Variants in HCST observed in about 807,000 individuals in gnomAD.
HCST encodes the protein hematopoietic cell signal transducer.
In HCST, 12 loss-of-function variants were observed where a neutral mutation model predicts 10.8. That is an observed-to-expected ratio of 1.12 (90% CI 0.72 to 1.81). The LOEUF is 1.81. Ranked by LOEUF, HCST falls within the 40% of genes most tolerant of loss-of-function variation. The pLI is 0.00. For synonymous variants in HCST, 59 were observed against 51.6 expected, an observed-to-expected ratio of 1.14 and a Z score of -0.61; for missense variants, 102 against 117.9, an observed-to-expected ratio of 0.87 and a Z score of 0.62.
Position 35,902,580 on chromosome 19 carries a change from G to A in HCST, c.-14G>A. The A allele has an allele frequency of 6.2e-7, 1 of 1,613,870 alleles. No homozygotes were observed. Among genetic ancestry groups the A allele is most frequent in the South Asian group, 1.1e-5 (1 of 91,058 alleles). ...ACAGTCCTCTGCCAGACCCCTGCCA[G>A]ACCCCAGTCCACCATGATCCATCTG... On this transcript the variant is annotated 5_prime_UTR_variant, in exon 1 of 4. Coordinates refer to ENST00000246551, the MANE Select transcript of HCST (RefSeq NM_014266.4).
chr19:35,903,751 G>A, intron 2 of HCST, 21 bp from the exon 3 acceptor site: 9 of 1,614,020 alleles, frequency 5.6e-6, no homozygotes, highest in Non-Finnish European at 7.6e-6. Flanking sequence ...TTGTCTCCCT[G>A]TTCCGGCCCC....
Position 35,904,294 on chromosome 19 carries a change from G to A in HCST, c.*134G>A, listed in dbSNP as rs1599637518. 9.8e-7 allele frequency: 1 copy of A among 1,024,554 alleles called. No homozygotes were observed. Among genetic ancestry groups the A allele is most frequent in the East Asian group, 2.4e-5 (1 of 41,604 alleles). 63.5% of individuals were successfully genotyped at this position (1,024,554 alleles called of 1,614,324 possible). On this transcript the variant is annotated 3_prime_UTR_variant, in exon 4 of 4. Transcript: ENST00000246551. Reference sequence around the variant, plus strand: ...ACCTGTAGTCGTATTCTTTCTCAAAGAACCCCAGAGTTCCCAAAGCCTCCC... The same window carrying A: ...ACCTGTAGTCGTATTCTTTCTCAAAAAACCCCAGAGTTCCCAAAGCCTCCC...
At position 35,904,161 on chromosome 19, in the gene HCST, C is replaced by G. The variant is rs760954757; in HGVS notation, c.*1C>G. The G allele has an allele frequency of 2.5e-6, 4 of 1,614,076 alleles. No homozygotes were observed. In the South Asian group the frequency reaches 4.4e-5, roughly 18 times the overall value. On this transcript the variant is annotated 3_prime_UTR_variant, in exon 4 of 4. Transcript: ENST00000246551. ...CATCAACATGCCAGGCAGGGGCTGA[C>G]CCTCCTGCAGCTTGGACCTTTGACT...
At chr19:35,903,707 G>A in intron 2 of HCST, 65 bp from the exon 3 acceptor site, 2 of 1,612,546 alleles carry the variant, frequency 1.2e-6, no homozygotes, top group Admixed American at 3.3e-5. Flanking sequence ...CTCTGCCTGT[G>A]GCCAAAGCAC....
At position 35,903,910 on chromosome 19, in the gene HCST, GC is replaced by G; in HGVS notation, c.241+8del. 1 of 1,608,790 alleles carries G rather than the reference GC, an allele frequency of 6.2e-7. No individual in the cohort carries two copies. Among genetic ancestry groups the G allele is most frequent in the Non-Finnish European group, 8.5e-7 (1 of 1,178,336 alleles). On this transcript the variant is annotated splice_region_variant and intron_variant, in intron 3 of 3. Coordinates refer to ENST00000246551, the MANE Select transcript of HCST (RefSeq NM_014266.4). Reference sequence around the variant, plus strand: ...CGCCGCAGCCCCGCCCAAGGTGAGGGCGGAGATGGGCGGGGCCTGGAAGGTG... The same window carrying G: ...CGCCGCAGCCCCGCCCAAGGTGAGGGGGAGATGGGCGGGGCCTGGAAGGTG...
chr19:35,903,100 C>T (rs1000396552), intron 1 of HCST: 2 of 482,744 alleles, frequency 4.1e-6, no homozygotes, highest in Non-Finnish European at 7.6e-6. Flanking sequence ...AGGTGATCCT[C>T]CCAGCTCAGC....
chr19:35,903,851 CA>C lies in HCST; in HGVS notation c.190del (p.Ile64SerfsTer41). Reference sequence around the variant, plus strand: ...CTGCTGATGCGGTGGCATCGCTGCTCATCGTGGGGGCGGTGTTCCTGTGCGC... The same window carrying C: ...CTGCTGATGCGGTGGCATCGCTGCTCTCGTGGGGGCGGTGTTCCTGTGCGC... ...VAADAVASLL[I>X]VGAVFLCARP... On this transcript the variant is annotated frameshift_variant, in exon 3 of 4. Transcript: ENST00000246551. LOFTEE classifies it high-confidence loss of function. 6.2e-7 allele frequency: 1 copy of C among 1,613,536 alleles called. No homozygotes were observed. The highest frequency in any genetic ancestry group is 8.5e-7 in the Non-Finnish European group (1 of 1,179,956).
At chr19:35,904,035 C>T in intron 3 of HCST, 85 bp from the exon 4 acceptor site, 2 of 1,598,956 alleles carry the variant, frequency 1.3e-6, no homozygotes, top group Non-Finnish European at 1.7e-6. Context: ...GGGGGAACCC[C>T]TGAGGAAACC....
intron 1 of HCST, chr19:35,903,066 C>A (rs375246226): frequency 6.6e-6 from 3 of 457,436 alleles, no homozygotes; most frequent in African/African-American, 2.0e-5. Flanking sequence ...TCACGGCTCA[C>A]GGCAGCCTTG....
chr19:35,903,955 G>A, intron 3 of HCST, 52 bp downstream of exon 3: 1 of 1,581,288 alleles, frequency 6.3e-7, no homozygotes, highest in Non-Finnish European at 8.6e-7. Flanking sequence ...CCCTAGGGAG[G>A]GGGTCCCAGG....
intron 1 of HCST, 157 bp downstream of exon 1, chr19:35,902,793 G>A (rs1975609463): frequency 2.8e-6 from 2 of 723,586 alleles, no homozygotes; most frequent in East Asian, 2.7e-5. Context: ...GTCCTTGGGG[G>A]CGGAAGGGGG....
intron 1 of HCST, 26 bp downstream of exon 1, chr19:35,902,662 G>T (rs1975602403): frequency 6.2e-7 from 1 of 1,613,140 alleles, no homozygotes; most frequent in African/African-American, 1.3e-5. Context: ...ACAGGGGATG[G>T]TAGGCAGAGC....
At position 35,903,257 on chromosome 19, in the gene HCST, C is replaced by G. The variant is rs1159411066; in HGVS notation, c.44-94C>G. On this transcript the variant is annotated intron_variant, in intron 1 of 3. Transcript: ENST00000246551. ...CTTCCTGCCTCGGCCTCCCAAAGTG[C>G]TGGGATGACAGGCGTGAGCCACGGT... 5.4e-6 allele frequency: 6 copies of G among 1,106,622 alleles called. No individual in the cohort carries two copies. The East Asian group carries it at 1.4e-4, about 26-fold the overall frequency. 68.6% of individuals were successfully genotyped at this position (1,106,622 alleles called of 1,614,324 possible).
In HCST at chr19:35,904,359, CCCCACA is replaced by C. The variant is rs1399595709; in HGVS notation, c.*200_*205del. ...TCTGGATCCAAGGCCCCCTCAGAAC[CCCCACA>C]TGTCCCCATCCCATCAGCCCAAGGA... On this transcript the variant is annotated 3_prime_UTR_variant, in exon 4 of 4. Coordinates refer to ENST00000246551, the MANE Select transcript of HCST (RefSeq NM_014266.4). 1.3e-6 allele frequency: 1 copy of C among 785,874 alleles called. No homozygotes were observed. The highest frequency in any genetic ancestry group is 2.7e-5 in the East Asian group (1 of 37,522). The allele number at this position is 785,874 out of a possible 1,614,324, so 48.7% of individuals were successfully genotyped here.
At chr19:35,903,035 G>A (rs148910132) in intron 1 of HCST, 5,430 of 444,220 alleles carry the variant, frequency 0.012, 55 homozygotes, top group Admixed American at 0.018. Context: ...CTGTTGTCCA[G>A]GCTGGAGTGC....
intron 1 of HCST, 186 bp downstream of exon 1, chr19:35,902,822 AGG>A (rs1342145368): frequency 8.3e-6 from 5 of 602,690 alleles, no homozygotes; most frequent in Non-Finnish European, 1.2e-5. Context: ...GGAGTTCTGG[AGG>A]GGCTGCCTGT....
At chr19:35,903,581 G>A (rs977460211) in intron 2 of HCST, 165 bp downstream of exon 2, 48 of 1,019,786 alleles carry the variant, frequency 4.7e-5, no homozygotes, top group Non-Finnish European at 6.8e-5. Flanking sequence ...CCGTGTGCCC[G>A]CCGCACAGCC....
At chr19:35,903,668 G>A (rs1214582292) in intron 2 of HCST, 104 bp from the exon 3 acceptor site, 7 of 1,548,310 alleles carry the variant, frequency 4.5e-6, no homozygotes, top group Non-Finnish European at 6.2e-6. Flanking sequence ...CAAGGAACCT[G>A]GGACCCGCCC....
Position 35,904,180 on chromosome 19 carries a change from T to G in HCST, c.*20T>G. 6.2e-7 allele frequency: 1 copy of G among 1,613,288 alleles called. No homozygotes were observed. The highest frequency in any genetic ancestry group is 8.5e-7 in the Non-Finnish European group (1 of 1,179,250). On this transcript the variant is annotated 3_prime_UTR_variant, in exon 4 of 4. Transcript: ENST00000246551. ...GGCTGACCCTCCTGCAGCTTGGACC[T>G]TTGACTTCTGACCCTCTCATCCTGG...
Sources: allele counts gnomAD v4.1 joint callset, GRCh38; gene constraint gnomAD v4.1.1; transcripts MANE v1.5; gene names NCBI Gene and HGNC (gene_info 2026-07-23, HGNC 2026-07-21).